The following CORO7 variants were observed in gnomAD, a reference collection of about 807,000 sequenced individuals.
The protein encoded by CORO7 is coronin-7.
CORO7 carries 107 observed loss-of-function variants against 126.6 expected under a neutral mutation model. The ratio of observed to expected loss-of-function variants is 0.85; its 90% CI spans 0.72 to 0.99. CORO7 has a LOEUF of 0.99. CORO7 is among the 50% of genes least tolerant of loss of function. The pLI, the probability that CORO7 is intolerant of heterozygous loss-of-function variation, is 0.00. For missense variants in CORO7, 1,314 were observed against 1,255.8 expected (o/e 1.05, Z -0.70); for synonymous variants, 603 against 536.8 (o/e 1.12, Z -1.70).
At chr16:4,356,061 C>G (rs1016566813) in intron 26 of CORO7, among the ~76,000 whole-genome samples, 1 of 152,066 alleles carries the variant, frequency 6.6e-6, no homozygotes, top group South Asian at 2.1e-4. Context: ...TCAAGCGATT[C>G]TCCTGCCTCA....
At chr16:4,355,530 G>T in intron 26 of CORO7, 158 bp from the exon 27 acceptor site, 1 of 734,586 alleles carries the variant, frequency 1.4e-6, no homozygotes, top group South Asian at 1.8e-5. Context: ...GTGCAGTGGC[G>T]CGATCTCGGC....
At chr16:4,374,477 A>G (rs934037041) in intron 9 of CORO7, among the ~76,000 whole-genome samples, 3 of 152,090 alleles carry the variant, frequency 2.0e-5, no homozygotes, top group African/African-American at 4.8e-5. Context: ...GGGGAATGCA[A>G]TAAGGTTCTG....
chr16:4,381,073 A>G, intron 9 of CORO7: 1 of 1,610,096 alleles, frequency 6.2e-7, no homozygotes, highest in South Asian at 1.1e-5. Flanking sequence ...CGGCATCACC[A>G]TGCTCGACGC....
chr16:4,405,661 A>G, intron 5 of CORO7, 94 bp from the exon 6 acceptor site: 1 of 1,475,796 alleles, frequency 6.8e-7, no homozygotes, highest in Non-Finnish European at 9.2e-7. Flanking sequence ...CCCAGAGCAA[A>G]GGCAGCAGCT....
chr16:4,393,828 CGGTAGCTCACGT>C (rs2055481502), intron 7 of CORO7, among the ~76,000 whole-genome samples: 1 of 152,166 alleles, frequency 6.6e-6, no homozygotes, highest in Non-Finnish European at 1.5e-5. Context: ...TGGCCAGGAG[CGGTAGCTCACGT>C]CTGTAATCCC....
rs772674101 is a variant in CORO7 at position 4,357,135 on chromosome 16, C to G, written c.2685+33G>C. The G allele has an allele frequency of 6.8e-6, 11 of 1,612,998 alleles. No individual in the cohort carries two copies. In the South Asian group the frequency reaches 1.2e-4, roughly 18 times the overall value. ...TGGCCAGGTGCAGCCAGGACTCTGT[C>G]ACCTCCGCACAGCTGCTCTCTCCCA... On this transcript the variant is annotated intron_variant, in intron 26 of 27. Transcript: ENST00000251166.
chr16:4,405,309 G>T (rs981577191), intron 6 of CORO7, among the ~76,000 whole-genome samples, 182 bp downstream of exon 6: 1 of 152,244 alleles, frequency 6.6e-6, no homozygotes, highest in Non-Finnish European at 1.5e-5. Context: ...CAAGGTAGGG[G>T]CTTCCAGATG....
At position 4,375,548 on chromosome 16, in the gene CORO7, C is replaced by T. The variant is rs576694503; in HGVS notation, c.786-10003G>A. Reference sequence around the variant, plus strand: ...TGTCACCCAGGCTGGAGTGCAGTGGCGCAATATTGGCTCACTGCAAGCTCC... The same window carrying T: ...TGTCACCCAGGCTGGAGTGCAGTGGTGCAATATTGGCTCACTGCAAGCTCC... On this transcript the variant is annotated intron_variant, in intron 9 of 27. Coordinates refer to ENST00000251166, the MANE Select transcript of CORO7 (RefSeq NM_024535.5). 1.4e-4 allele frequency among the ~76,000 whole-genome samples: 21 copies of T among 152,310 alleles called. No individual in the cohort carries two copies. The East Asian group carries it at 2.5e-3, about 18-fold the overall frequency.
chr16:4,397,029 AAG>A (rs1370205891), intron 6 of CORO7, among the ~76,000 whole-genome samples: 4 of 143,388 alleles, frequency 2.8e-5, no homozygotes, highest in Admixed American at 7.0e-5. Flanking sequence ...AAAAAAAAAA[AAG>A]AAAGAAAGAA....
At chr16:4,412,489 C>A in intron 2 of CORO7, 59 bp from the exon 3 acceptor site, 1 of 1,571,882 alleles carries the variant, frequency 6.4e-7, no homozygotes, top group Non-Finnish European at 8.7e-7. Context: ...CACCTCCTTG[C>A]CCAGGGATCC....
At position 4,359,515 on chromosome 16, in the gene CORO7, C is replaced by A; in HGVS notation, c.2215G>T (p.Asp739Tyr). The A allele has an allele frequency of 6.2e-7, 1 of 1,613,416 alleles. No homozygotes were observed. The highest frequency in any genetic ancestry group is 8.5e-7 in the Non-Finnish European group (1 of 1,179,952). ...VAPSTLLPSY[D>Y]PDTGLVLLTG... ...AGGAGCACCAGGCCAGTGTCTGGGT[C>A]GTAGCTGGGCAGCAGGGTTGAGGGA... The change falls in exon 22 of 28, where the codon GAC becomes TAC. Residue 739 changes from aspartate to tyrosine, a missense_variant. Physicochemically the swap from Asp to Tyr is radical, Grantham distance 160 (BLOSUM62 -3). Transcript: ENST00000251166.
rs1376032752 is a variant in CORO7, at chr16:4,368,090, T to C, written c.786-2545A>G. On this transcript the variant is annotated intron_variant, in intron 9 of 27. Coordinates refer to ENST00000251166, the MANE Select transcript of CORO7 (RefSeq NM_024535.5). ...AGCGAGGTATGCTGGCTCACGCCTGTAATCCCAGCACTTTGGGAGGCCGAG... is the reference window on the plus strand; with the variant it reads ...AGCGAGGTATGCTGGCTCACGCCTGCAATCCCAGCACTTTGGGAGGCCGAG... Among the ~76,000 whole-genome samples the C allele has an allele frequency of 2.6e-5, 4 of 152,122 alleles. No homozygotes were observed. In the East Asian group the frequency reaches 7.7e-4, roughly 29 times the overall value.
At chr16:4,415,593 A>G (rs2056379023) in intron 1 of CORO7, 3 of 364,712 alleles carry the variant, frequency 8.2e-6, no homozygotes, top group South Asian at 1.1e-4. Context: ...CAGAGGAAAT[A>G]TAGTCCACAC....
At chr16:4,381,288 C>T in intron 9 of CORO7, 6 of 1,612,416 alleles carry the variant, frequency 3.7e-6, no homozygotes, top group Non-Finnish European at 5.1e-6. Context: ...ACCGCATCCG[C>T]CACATCCAGC....
chr16:4,365,659 C>A, intron 9 of CORO7, 114 bp from the exon 10 acceptor site: 9 of 1,404,004 alleles, frequency 6.4e-6, no homozygotes, highest in Non-Finnish European at 8.7e-6. Flanking sequence ...GCTTGGCCAT[C>A]CAGCCATGTT....
chr16:4,394,828 C>T (rs535053301), intron 7 of CORO7, among the ~76,000 whole-genome samples: 1 of 152,226 alleles, frequency 6.6e-6, no homozygotes, highest in Non-Finnish European at 1.5e-5. Context: ...ACTGAAATGG[C>T]CACGCACACT....
At chr16:4,401,123 A>G (rs1247803548) in intron 6 of CORO7, among the ~76,000 whole-genome samples, 2 of 152,196 alleles carry the variant, frequency 1.3e-5, no homozygotes, top group African/African-American at 4.8e-5. Context: ...TGGGGCCTGG[A>G]GGTTGTCACG....
intron 9 of CORO7, among the ~76,000 whole-genome samples, chr16:4,366,734 G>A (rs2054360879): frequency 6.6e-6 from 1 of 151,926 alleles, no homozygotes; most frequent in Non-Finnish European, 1.5e-5. Flanking sequence ...GTAGAAACAA[G>A]GTCTCACTAT....
chr16:4,365,621 A>C, intron 9 of CORO7, 76 bp from the exon 10 acceptor site: 2 of 1,536,346 alleles, frequency 1.3e-6, no homozygotes. Flanking sequence ...GTAGGAGCCC[A>C]GGACAGGCAC....
Sources: gnomAD v4.1 joint callset for allele counts (sites outside exome capture counted in the v4.1 genomes callset) on GRCh38, gnomAD v4.1.1 for gene constraint, MANE v1.5 for transcripts, NCBI Gene and HGNC (gene_info 2026-07-23, HGNC 2026-07-21) for gene names.